ITIH2: variants seen among roughly 807,000 people sequenced by gnomAD.
The protein encoded by ITIH2 is inter-alpha-trypsin inhibitor heavy chain H2.
In ITIH2, 103 loss-of-function variants were observed where a neutral mutation model predicts 104.4. The ratio of observed to expected loss-of-function variants is 0.99; its 90% CI spans 0.84 to 1.16. ITIH2 has a LOEUF of 1.16. Among genes scored for constraint, ITIH2 ranks in the 50% most tolerant of loss-of-function variants. The pLI is 0.00. For missense variants in ITIH2, 1,108 were observed against 1,162.4 expected, an observed-to-expected ratio of 0.95 and a Z score of 0.68; for synonymous variants, 436 against 435.4, an observed-to-expected ratio of 1.00 and a Z score of -0.02.
At chr10:7,749,142 G>C in intron 20 of ITIH2, 45 bp from the exon 21 acceptor site, 1 of 1,600,832 alleles carries the variant, frequency 6.2e-7, no homozygotes, top group Non-Finnish European at 8.6e-7. Flanking sequence ...CTTGTGTCTA[G>C]AGGTGCTCAG....
chr10:7,735,674 CTT>C (rs35122608), intron 15 of ITIH2, among the ~76,000 whole-genome samples: 55 of 130,508 alleles, frequency 4.2e-4, no homozygotes, highest in East Asian at 1.6e-3. Flanking sequence ...CTTTTCTTTT[CTT>C]TTTTTTTTTT....
At chr10:7,717,307 A>G (rs530930184) in intron 5 of ITIH2, among the ~76,000 whole-genome samples, 1 of 152,170 alleles carries the variant, frequency 6.6e-6, no homozygotes, top group Non-Finnish European at 1.5e-5. Context: ...CATATTGCAG[A>G]GCAGCTATAT....
At chr10:7,709,392 A>G in intron 4 of ITIH2, among the ~76,000 whole-genome samples, 1 of 152,190 alleles carries the variant, frequency 6.6e-6, no homozygotes, top group East Asian at 1.9e-4. Context: ...TGTTTCTAAT[A>G]AGCTAAAGCA....
intron 19 of ITIH2, 57 bp from the exon 20 acceptor site, chr10:7,746,536 C>G: frequency 8.5e-7 from 1 of 1,175,340 alleles, no homozygotes; most frequent in Non-Finnish European, 1.3e-6. Flanking sequence ...CAATAATGAG[C>G]CTCTTTTTAT....
At chr10:7,718,547 T>C (rs1834872771) in intron 6 of ITIH2, among the ~76,000 whole-genome samples, 1 of 150,030 alleles carries the variant, frequency 6.7e-6, no homozygotes, top group South Asian at 2.1e-4. Context: ...AACTTTTAAG[T>C]TCAGGGGCAT....
intron 3 of ITIH2, among the ~76,000 whole-genome samples, chr10:7,707,806 C>A (rs942296182): frequency 1.4e-4 from 22 of 152,146 alleles, no homozygotes; most frequent in African/African-American, 5.3e-4. Context: ...CTCGGGTGAT[C>A]CACCTCCCTC....
chr10:7,719,760 C>CAAAAAAAAAAAA (rs71385664), intron 6 of ITIH2, among the ~76,000 whole-genome samples: 6 of 41,708 alleles, frequency 1.4e-4, no homozygotes, highest in Admixed American at 4.2e-4. Context: ...GACCCTGTCT[C>CAAAAAAAAAAAA]AAAAAAAAAA....
At chr10:7,736,048 A>G (rs1286142917) in intron 15 of ITIH2, among the ~76,000 whole-genome samples, 4 of 152,168 alleles carry the variant, frequency 2.6e-5, no homozygotes, top group African/African-American at 9.7e-5. Flanking sequence ...TTTAAAAAAT[A>G]CATAAGCAAA....
chr10:7,723,596 G>A, intron 9 of ITIH2, 29 bp downstream of exon 9: 2 of 1,335,162 alleles, frequency 1.5e-6, no homozygotes, highest in Non-Finnish European at 2.2e-6. Flanking sequence ...GCAGTGGTTG[G>A]GGGGATTCCC....
chr10:7,744,963 G>A lies in ITIH2; in HGVS notation c.2581G>A (p.Gly861Ser), dbSNP rs1318166574. ...KFSPKAHGLI[G>S]QFMQEPKIHI... ...CTCACCTAAAGCCCACGGACTAATA[G>A]GTAAAGTGTCTATTGACCATCTGAC... The change falls in exon 19 of 21, where the codon GGC (glycine) becomes AGC (serine). Residue 861 changes from glycine (G) to serine (S), a missense_variant and splice_region_variant. By Grantham distance (56) the Gly-to-Ser change is moderately conservative. Transcript: ENST00000358415. 1.1e-5 allele frequency: 18 copies of A among 1,613,212 alleles called. No individual in the cohort carries two copies. In the South Asian group the frequency reaches 1.8e-4, roughly 16 times the overall value.
At chr10:7,716,598 TG>T (rs1405066791) in intron 5 of ITIH2, among the ~76,000 whole-genome samples, 7 of 151,674 alleles carry the variant, frequency 4.6e-5, no homozygotes, top group Non-Finnish European at 7.4e-5. Context: ...TAGCTGGGCA[TG>T]GTGGCGCATG....
Position 7,746,764 on chromosome 10 carries a change from A to T in ITIH2, c.2693+60A>T, listed in dbSNP as rs909500939. On this transcript the variant is annotated intron_variant, in intron 20 of 20. Coordinates refer to ENST00000358415, the MANE Select transcript of ITIH2 (RefSeq NM_002216.3). ...CCTTGTGTTAGAATTAGACCCACAC[A>T]GCAAAATAGAGGAGCAAAGAAGAAG... is the stretch of plus-strand genomic sequence containing the variant. 4 of 993,158 alleles carry T rather than the reference A, an allele frequency of 4.0e-6. No homozygotes were observed. In the African/African-American group the frequency reaches 6.4e-5, roughly 16 times the overall value. The allele number at this position is 993,158 out of a possible 1,614,324, so 61.5% of individuals were successfully genotyped here. A position where few individuals can be genotyped will look rare whatever the true frequency, so the allele number is the denominator to read the frequency against.
At position 7,731,950 on chromosome 10, in the gene ITIH2, A is replaced by G; in HGVS notation, c.1601A>G (p.Asp534Gly). The change falls in exon 13 of 21, where the codon GAC becomes GGC. Residue 534 changes from aspartate to glycine, a missense_variant. Transcript: ENST00000358415. ...GSEIVVAGKF[D>G]PAKLDQIESV... The stretch of plus-strand genomic sequence containing the variant: ...GAGATTGTGGTGGCAGGAAAATTTG[A>G]CCCTGCTAAATTGGATCAAATAGAG... 6.2e-7 allele frequency: 1 copy of G among 1,614,046 alleles called. No homozygotes were observed. The highest frequency in any genetic ancestry group is 1.3e-5 in the African/African-American group (1 of 75,028).
intron 9 of ITIH2, among the ~76,000 whole-genome samples, chr10:7,724,710 A>T (rs1834936907): frequency 6.6e-6 from 1 of 151,320 alleles, no homozygotes. Flanking sequence ...GATATTTTGG[A>T]TGGGGTCATT....
intron 3 of ITIH2, among the ~76,000 whole-genome samples, 199 bp from the exon 4 acceptor site, chr10:7,708,823 C>T (rs1364860076): frequency 1.3e-5 from 2 of 152,136 alleles, no homozygotes; most frequent in African/African-American, 4.8e-5. Context: ...GAAACCAAGG[C>T]AGACTTCTGC....
In ITIH2 at chr10:7,730,397, G is replaced by A. The variant is rs185804245; in HGVS notation, c.1461+264G>A. Among the ~76,000 whole-genome samples the A allele has an allele frequency of 2.0e-3, 301 of 152,306 alleles. 1 individual carries two copies. The highest frequency in any genetic ancestry group is 3.2e-3 in the Non-Finnish European group (217 of 68,022). On this transcript the variant is annotated intron_variant, in intron 12 of 20. Coordinates refer to ENST00000358415, the MANE Select transcript of ITIH2 (RefSeq NM_002216.3). Reference sequence around the variant, plus strand: ...CCCTGAACAAAAAGGCCTTCTGAGCGTCATCAAAGCTCCTTGTAGCTCTCC... The same window carrying A: ...CCCTGAACAAAAAGGCCTTCTGAGCATCATCAAAGCTCCTTGTAGCTCTCC...
rs534167353 is a variant in ITIH2 at position 7,708,549 on chromosome 10, G to T, written c.193-473G>T. Among the ~76,000 whole-genome samples, 4 of 152,124 alleles carry T rather than the reference G, an allele frequency of 2.6e-5. 1 individual carries two copies. The highest frequency in any genetic ancestry group is 6.5e-5 in the Admixed American group (1 of 15,278). Reference sequence around the variant, plus strand: ...ATTAAAGAAGGTAGAGAGCTGTAAGGGGGGGTTGGTGGAGGCCATATGTGT... The same window carrying T: ...ATTAAAGAAGGTAGAGAGCTGTAAGTGGGGGTTGGTGGAGGCCATATGTGT... On this transcript the variant is annotated intron_variant, in intron 3 of 20. Coordinates refer to ENST00000358415, the MANE Select transcript of ITIH2 (RefSeq NM_002216.3).
At chr10:7,748,521 C>CTTTTTTTTTTTTTTTTTTTTTTTTTT (rs549517172) in intron 20 of ITIH2, among the ~76,000 whole-genome samples, 1 of 27,124 alleles carries the variant, frequency 3.7e-5, no homozygotes, top group African/African-American at 1.5e-4. Flanking sequence ...CCAATGCATT[C>CTTTTTTTTTTTTTTTTTTTTTTTTTT]TTTTTTTTTT....
intron 20 of ITIH2, among the ~76,000 whole-genome samples, chr10:7,748,863 G>C (rs1835207118): frequency 6.6e-6 from 1 of 151,904 alleles, no homozygotes; most frequent in Non-Finnish European, 1.5e-5. Context: ...CATTCTTTAA[G>C]TGACCTGTGA....
Sources: allele counts gnomAD v4.1 joint callset (sites outside exome capture counted in the v4.1 genomes callset), GRCh38; gene constraint gnomAD v4.1.1; transcripts MANE v1.5; gene names NCBI Gene and HGNC (gene_info 2026-07-23, HGNC 2026-07-21).